Variants in SMYD2 observed in about 807,000 individuals in gnomAD.
SMYD2 encodes the protein N-lysine methyltransferase SMYD2.
A neutral mutation model predicts 59.1 loss-of-function variants in SMYD2; 53 were observed. The observed-to-expected ratio is 0.90, with a 90% CI of 0.72 to 1.13. The LOEUF is 1.13. Among genes scored for constraint, SMYD2 ranks in the 50% most tolerant of loss-of-function variants. SMYD2 has a pLI of 0.00. For synonymous variants in SMYD2, 208 were observed against 198.8 expected (o/e 1.05, Z -0.39); for missense variants, 494 against 544.7 (o/e 0.91, Z 0.93).
chr1:214,328,252 C>G (rs1302085625), intron 7 of SMYD2, among the ~76,000 whole-genome samples: 2 of 152,202 alleles, frequency 1.3e-5, no homozygotes, highest in Non-Finnish European at 2.9e-5. Context: ...ATTTCGTGTT[C>G]TATCAGTTCC....
At chr1:214,313,086 C>T (rs1038614534) in intron 2 of SMYD2, among the ~76,000 whole-genome samples, 1 of 152,084 alleles carries the variant, frequency 6.6e-6, no homozygotes, top group Non-Finnish European at 1.5e-5. Flanking sequence ...GAGAGAGCAG[C>T]GTCAAGGATG....
intron 9 of SMYD2, chr1:214,331,567 T>C (rs1393867057): frequency 5.6e-6 from 1 of 178,612 alleles, no homozygotes; most frequent in Non-Finnish European, 1.2e-5. Context: ...AACCATTGTA[T>C]TGTAGCATTT....
intron 1 of SMYD2, among the ~76,000 whole-genome samples, chr1:214,296,710 T>G (rs1045461073): frequency 6.6e-6 from 1 of 151,928 alleles, no homozygotes. Flanking sequence ...TGAAGGAAAC[T>G]GAGGTTCAGA....
In SMYD2 at chr1:214,299,302, A is replaced by G. The variant is rs1039139576; in HGVS notation, c.174-5885A>G. The stretch of plus-strand genomic sequence containing the variant: ...TCAAAGGACTTAAAACAGAACTACC[A>G]TTCGACCCAGCAATCCCTTTACTGG... On this transcript the variant is annotated intron_variant, in intron 1 of 11. Coordinates refer to ENST00000366957, the MANE Select transcript of SMYD2 (RefSeq NM_020197.3). Among the ~76,000 whole-genome samples the G allele has an allele frequency of 3.9e-5, 6 of 152,304 alleles. 1 individual carries two copies. In the Middle Eastern group the frequency reaches 0.01, roughly 259 times the overall value.
Position 214,318,218 on chromosome 1 carries a change from G to A in SMYD2, c.409+79G>A, listed in dbSNP as rs964505025. On this transcript the variant is annotated intron_variant, in intron 4 of 11. Coordinates refer to ENST00000366957, the MANE Select transcript of SMYD2 (RefSeq NM_020197.3). The surrounding 1 kb of genome is among the most constrained non-coding windows in gnomAD (Gnocchi z 5.4). ...GGTTGGGCAGGATTGAAGCGAGGAC[G>A]GGCTAGTTTGTGCTCAGAGGAGTAG... 22 of 1,339,054 alleles carry A rather than the reference G, an allele frequency of 1.6e-5. No individual in the cohort carries two copies. The highest frequency in any genetic ancestry group is 2.2e-5 in the Non-Finnish European group (21 of 948,896). 82.9% of individuals were successfully genotyped at this position (1,339,054 alleles called of 1,614,324 possible). A position where few individuals can be genotyped will look rare whatever the true frequency, so the allele number is the denominator to read the frequency against.
At chr1:214,294,061 A>C (rs1490149569) in intron 1 of SMYD2, among the ~76,000 whole-genome samples, 1 of 152,088 alleles carries the variant, frequency 6.6e-6, no homozygotes, top group Non-Finnish European at 1.5e-5. Context: ...AACACTTTTG[A>C]ATAGAAATTA....
intron 6 of SMYD2, among the ~76,000 whole-genome samples, chr1:214,325,789 T>C (rs1242524639): frequency 6.6e-6 from 1 of 151,110 alleles, no homozygotes; most frequent in Non-Finnish European, 1.5e-5. Context: ...TTTTTTTTTT[T>C]TTTTTTTAAC....
Position 214,331,008 on chromosome 1 carries a change from G to C in SMYD2, c.875G>C (p.Arg292Pro). Residue 292 changes from arginine (R) to proline (P), a missense_variant, in exon 9 of 12, where the codon CGA (arginine) becomes CCA (proline). Arg to Pro is a moderately radical substitution (Grantham distance 103, BLOSUM62 -2). Transcript: ENST00000366957. ...LSDPPKAEAI[R>P]DMVRYARNVI... ...GATCCCCCAAAGGCAGAAGCCATCC[G>C]AGACATGGTCAGATATGCACGCAAC... The C allele has an allele frequency of 6.2e-7, 1 of 1,614,224 alleles. No homozygotes were observed. Among genetic ancestry groups the C allele is most frequent in the Non-Finnish European group, 8.5e-7 (1 of 1,180,046 alleles).
rs150512369 is a variant in SMYD2 at position 214,327,611 on chromosome 1, C to T, written c.603-11C>T. On this transcript the variant is annotated splice_polypyrimidine_tract_variant and intron_variant, in intron 6 of 11. Coordinates refer to ENST00000366957, the MANE Select transcript of SMYD2 (RefSeq NM_020197.3). Reference sequence around the variant, plus strand: ...CATTTTAAAAACTGGGTTTTCTCTTCTGACTGACAGTGTTGCATTGATGAA... The same window carrying T: ...CATTTTAAAAACTGGGTTTTCTCTTTTGACTGACAGTGTTGCATTGATGAA... 246 of 1,612,538 alleles carry T rather than the reference C, an allele frequency of 1.5e-4. No individual in the cohort carries two copies. In the African/African-American group the frequency reaches 2.9e-3, roughly 19 times the overall value.
rs188325627 is a variant in SMYD2, at chr1:214,289,324, C to G, written c.173+7897C>G. Among the ~76,000 whole-genome samples the G allele has an allele frequency of 2.6e-5, 4 of 152,314 alleles. No homozygotes were observed. In the East Asian group the frequency reaches 5.8e-4, roughly 22 times the overall value. ...TGAACTTAGGTTAATATTCCCTCCT[C>G]TTTTCCCTGTCAGTATAAAAATATG... On this transcript the variant is annotated intron_variant, in intron 1 of 11. Coordinates refer to ENST00000366957, the MANE Select transcript of SMYD2 (RefSeq NM_020197.3).
intron 1 of SMYD2, among the ~76,000 whole-genome samples, chr1:214,297,426 C>G (rs2102458499): frequency 6.6e-6 from 1 of 152,086 alleles, no homozygotes; most frequent in South Asian, 2.1e-4. Context: ...ACGACTGTGT[C>G]TTTTGTAGGA....
intron 5 of SMYD2, 98 bp downstream of exon 5, chr1:214,319,081 G>A (rs769543368): frequency 8.3e-6 from 12 of 1,445,074 alleles, no homozygotes; most frequent in African/African-American, 1.4e-5. Flanking sequence ...CAAATAGAAT[G>A]ATGGCATCTT....
At chr1:214,308,083 C>T (rs928710209) in intron 2 of SMYD2, among the ~76,000 whole-genome samples, 1 of 152,248 alleles carries the variant, frequency 6.6e-6, no homozygotes, top group East Asian at 1.9e-4. Context: ...TCACTCAATT[C>T]CCAGACAGGG....
intron 11 of SMYD2, among the ~76,000 whole-genome samples, chr1:214,336,471 G>A (rs1399775852): frequency 6.6e-6 from 1 of 152,236 alleles, no homozygotes; most frequent in Admixed American, 6.5e-5. Flanking sequence ...TGCGGAGCTT[G>A]CAGTGAGCGG....
intron 1 of SMYD2, among the ~76,000 whole-genome samples, chr1:214,283,667 G>A (rs1167931058): frequency 1.3e-5 from 2 of 152,168 alleles, no homozygotes; most frequent in Non-Finnish European, 2.9e-5. Context: ...CCAGATGTAT[G>A]AGGGGAACGT....
At chr1:214,324,107 A>AT (rs886713986) in intron 5 of SMYD2, among the ~76,000 whole-genome samples, 8 of 150,140 alleles carry the variant, frequency 5.3e-5, no homozygotes, top group Admixed American at 2.0e-4. Context: ...TTGTATTTGT[A>AT]TTTTTTTTTA....
chr1:214,292,087 GGT>G (rs1491061005), intron 1 of SMYD2, among the ~76,000 whole-genome samples: 2 of 73,112 alleles, frequency 2.7e-5, no homozygotes, highest in African/African-American at 1.3e-4. Flanking sequence ...TATTTTCTAG[GGT>G]GAGAGAGAGA....
At chr1:214,316,529 TCTCCTGTATACCTACCAGCC>T (rs1025355915) in intron 3 of SMYD2, among the ~76,000 whole-genome samples, 35 of 152,120 alleles carry the variant, frequency 2.3e-4, no homozygotes, top group African/African-American at 8.0e-4. Context: ...TTCATCCACT[TCTCCTGTATACCTACCAGCC>T]CTCCTCCACC....
intron 1 of SMYD2, among the ~76,000 whole-genome samples, chr1:214,304,317 G>T (rs892805437): frequency 6.6e-6 from 1 of 152,064 alleles, no homozygotes; most frequent in African/African-American, 2.4e-5. Context: ...CCAGCACTTT[G>T]GGAGGCTGAG....
Sources: gnomAD v4.1 joint callset for allele counts (sites outside exome capture counted in the v4.1 genomes callset) on GRCh38, gnomAD v4.1.1 for gene constraint, Gnocchi (gnomAD v3.1) non-coding constraint, MANE v1.5 for transcripts, NCBI Gene and HGNC (gene_info 2026-07-23, HGNC 2026-07-21) for gene names.